The following PSG4 variants were observed in gnomAD, a reference collection of about 807,000 sequenced individuals.
PSG4 encodes pregnancy-specific beta-1-glycoprotein 4.
In PSG4, 61 loss-of-function variants were observed where a neutral mutation model predicts 44.3. The observed-to-expected ratio is 1.38, with a 90% CI of 1.12 to 1.70. The LOEUF is 1.70. PSG4 is among the 40% of genes most tolerant of loss of function. PSG4 has a pLI of 0.00. For missense variants in PSG4, 677 were observed against 511.7 expected (o/e 1.32, Z -3.12); for synonymous variants, 248 against 191.3 (o/e 1.30, Z -2.45).
At chr19:43,194,757 T>C in intron 4 of PSG4, 163 bp from the exon 5 acceptor site, 1 of 1,423,768 alleles carries the variant, frequency 7.0e-7, no homozygotes. Context: ...ATTCACCTGT[T>C]TCTCCCATCA....
intron 5 of PSG4, 115 bp downstream of exon 5, chr19:43,194,225 T>G (rs1299965137): frequency 6.3e-7 from 1 of 1,587,992 alleles, no homozygotes; most frequent in Non-Finnish European, 8.6e-7. Context: ...AATTTGGGAT[T>G]TGCTTGTGCC....
rs1470563981 is a variant in PSG4 at position 43,205,506 on chromosome 19, G to A, written c.31C>T (p.Gln11Ter). The change falls in exon 1 of 6, where the codon CAG becomes TAG. Residue 11 changes from glutamine (Q) to a stop codon, truncating the protein, a stop_gained. Coordinates refer to ENST00000405312, the MANE Select transcript of PSG4 (RefSeq NM_002780.5). LOFTEE classifies it high-confidence loss of function. MGPLSAPPCTQRITWKGVLLT... is the reference protein window; with the variant it reads MGPLSAPPCT Reference sequence around the variant, plus strand: ...AGGACCCCCTTCCAGGTGATGCGCTGTGTGCAGGGAGGGGCTGAGAGGGGC... The same window carrying A: ...AGGACCCCCTTCCAGGTGATGCGCTATGTGCAGGGAGGGGCTGAGAGGGGC... 4 of 1,555,142 alleles carry A rather than the reference G, an allele frequency of 2.6e-6. No homozygotes were observed. Among genetic ancestry groups the A allele is most frequent in the East Asian group, 2.9e-5 (1 of 34,208 alleles).
rs139631615 is a variant in PSG4, at chr19:43,194,857, G to A, written c.988+138C>T. ...CTGTGCCTACCTAGGTTTTCCCAGG[G>A]CAGGGAGTCATGGCCACCTCGGATG... On this transcript the variant is annotated intron_variant, in intron 4 of 5. Coordinates refer to ENST00000405312, the MANE Select transcript of PSG4 (RefSeq NM_002780.5). 14 of 1,515,496 alleles carry A rather than the reference G, an allele frequency of 9.2e-6. No individual in the cohort carries two copies. In the South Asian group the frequency reaches 1.5e-4, roughly 16 times the overall value. 93.9% of individuals were successfully genotyped at this position (1,515,496 alleles called of 1,614,324 possible). A position where few individuals can be genotyped will look rare whatever the true frequency, so the allele number is the denominator to read the frequency against.
intron 4 of PSG4, 156 bp downstream of exon 4, chr19:43,194,839 T>C: frequency 6.7e-7 from 1 of 1,485,724 alleles, no homozygotes; most frequent in Non-Finnish European, 9.0e-7. Context: ...AGGCTGTGCC[T>C]ACCTAGGTTT....
At chr19:43,196,835 G>A (rs1388266780) in intron 3 of PSG4, 1 of 149,222 alleles carries the variant, frequency 6.7e-6, no homozygotes, top group East Asian at 2.0e-4. Context: ...AGCCTGTCAG[G>A]TCAGATTTAG....
chr19:43,194,259 A>C, intron 5 of PSG4, 81 bp downstream of exon 5: 1 of 1,607,126 alleles, frequency 6.2e-7, no homozygotes, highest in Non-Finnish European at 8.5e-7. Context: ...CTGGGAATAA[A>C]AATGTTTTCC....
Position 43,193,574 on chromosome 19 carries a change from C to G in PSG4, c.1244-186G>C, listed in dbSNP as rs145080540. On this transcript the variant is annotated intron_variant, in intron 5 of 5. Coordinates refer to ENST00000405312, the MANE Select transcript of PSG4 (RefSeq NM_002780.5). The stretch of plus-strand genomic sequence containing the variant: ...GAGTTTCTTCAAACGTGGTCTGATT[C>G]TTTACATAAGTGCAGCAAGAGTAGC... The G allele has an allele frequency of 3.0e-3, 1,884 of 619,962 alleles. 49 individuals are homozygous for G. The highest frequency in any genetic ancestry group is 0.017 in the African/African-American group (902 of 54,236). 38.4% of individuals were successfully genotyped at this position (619,962 alleles called of 1,614,324 possible).
chr19:43,201,906 A>G (rs1967529825), intron 2 of PSG4, among the ~76,000 whole-genome samples: 1 of 144,252 alleles, frequency 6.9e-6, no homozygotes, highest in African/African-American at 2.7e-5. Context: ...TCCCTGTCCC[A>G]TTGTCTTGTC....
intron 5 of PSG4, 139 bp from the exon 6 acceptor site, chr19:43,193,527 A>G: frequency 1.5e-6 from 1 of 673,602 alleles, no homozygotes; most frequent in East Asian, 2.6e-5. Flanking sequence ...TCAGTAGAAT[A>G]AGTTTGTTTG....
Position 43,203,957 on chromosome 19 carries a change from T to G in PSG4, c.359A>C (p.Tyr120Ser), listed in dbSNP as rs1476870396. ...GCGTCGCTTTATGATGTGTAAGGTG[T>G]AGGATCCTGCATCCTCCTGCGTGAC... Reference protein sequence around the residue: ...QNVTQEDAGSYTLHIIKRRDG... With the variant: ...QNVTQEDAGSSTLHIIKRRDG... Residue 120 changes from tyrosine (Y) to serine (S), a missense_variant, in exon 2 of 6, where the codon TAC becomes TCC. Transcript: ENST00000405312. The G allele has an allele frequency of 6.3e-7, 1 of 1,587,342 alleles. No individual in the cohort carries two copies. The highest frequency in any genetic ancestry group is 8.5e-7 in the Non-Finnish European group (1 of 1,171,468).
chr19:43,195,145 G>T lies in PSG4; in HGVS notation c.838C>A (p.Leu280Ile). ...CGCTTTACCCTGGGACTGACAGGGA[G>T]GCTCTGACCATTTAGCCACCAAATG... is the stretch of plus-strand genomic sequence containing the variant. ...TYIWWLNGQS[L>I]PVSPRVKRPI... The change falls in exon 4 of 6, where the codon CTC (leucine) becomes ATC (isoleucine). Residue 280 changes from leucine to isoleucine, a missense_variant. Transcript: ENST00000405312. 1.2e-6 allele frequency: 2 copies of T among 1,610,468 alleles called. No homozygotes were observed. The highest frequency in any genetic ancestry group is 2.2e-5 in the East Asian group (1 of 44,876).
chr19:43,196,504 G>A (rs376413246), intron 3 of PSG4: 9 of 151,464 alleles, frequency 5.9e-5, no homozygotes, highest in South Asian at 2.1e-4. Context: ...TTTGTCATAT[G>A]CTTACTGGTT....
In PSG4 at chr19:43,201,467, C is replaced by T. The variant is rs1345434409; in HGVS notation, c.430+2419G>A. Among the ~76,000 whole-genome samples the T allele has an allele frequency of 6.9e-5, 10 of 144,994 alleles. 2 individuals carry two copies. The highest frequency in any genetic ancestry group is 2.2e-4 in the South Asian group (1 of 4,602). ...TATAGATAACATCACTATTGTAGAA[C>T]GCGAGACTGGTCTTTTGAGATGTTT... On this transcript the variant is annotated intron_variant, in intron 2 of 5. Coordinates refer to ENST00000405312, the MANE Select transcript of PSG4 (RefSeq NM_002780.5).
chr19:43,204,844 T>C, intron 1 of PSG4: 1 of 427,668 alleles, frequency 2.3e-6, no homozygotes, highest in South Asian at 1.7e-5. Context: ...CCCCCAATTG[T>C]TGAGGTTTCT....
rs1270555641 is a variant in PSG4 at position 43,197,273 on chromosome 19, G to A, written c.709+724C>T. Among the ~76,000 whole-genome samples, 4 of 145,250 alleles carry A rather than the reference G, an allele frequency of 2.8e-5. 1 individual carries two copies. Among genetic ancestry groups the A allele is most frequent in the African/African-American group, 1.1e-4 (4 of 37,778 alleles). ...CCCTCTCCCTTTGCAGAGGGCAGGT[G>A]GCTTTTCCCTGATAGCTAGATAGAC... On this transcript the variant is annotated intron_variant, in intron 3 of 5. Transcript: ENST00000405312.
chr19:43,197,168 C>T (rs559780686), intron 3 of PSG4, among the ~76,000 whole-genome samples: 4 of 145,278 alleles, frequency 2.8e-5, no homozygotes, highest in South Asian at 4.3e-4. Flanking sequence ...TAAAGAATGA[C>T]CTAGAAAGAG....
In PSG4 at chr19:43,200,892, T is replaced by C. The variant is rs1030589987; in HGVS notation, c.431-2617A>G. On this transcript the variant is annotated intron_variant, in intron 2 of 5. Coordinates refer to ENST00000405312, the MANE Select transcript of PSG4 (RefSeq NM_002780.5). ...GCCTTCTCTGAGGGATTTTAATGAG[T>C]TGTTGACTTTTTACTTAGTGTTAGA... Among the ~76,000 whole-genome samples, 34 of 145,914 alleles carry C rather than the reference T, an allele frequency of 2.3e-4. 6 individuals are homozygous for C. The highest frequency in any genetic ancestry group is 8.9e-4 in the African/African-American group (34 of 38,238).
chr19:43,195,672 G>A (rs1223364717), intron 3 of PSG4, among the ~76,000 whole-genome samples: 1 of 151,362 alleles, frequency 6.6e-6, no homozygotes, highest in Non-Finnish European at 1.5e-5. Context: ...CCCTAGATGA[G>A]ATTTCTCTGC....
intron 2 of PSG4, among the ~76,000 whole-genome samples, chr19:43,200,119 G>C (rs1307980624): frequency 5.5e-5 from 8 of 145,774 alleles, no homozygotes; most frequent in Admixed American, 5.5e-4. Context: ...TTCATTTTCT[G>C]TTAAGCTCAG....
Sources: allele counts gnomAD v4.1 joint callset (sites outside exome capture counted in the v4.1 genomes callset), GRCh38; gene constraint gnomAD v4.1.1; transcripts MANE v1.5; gene names NCBI Gene and HGNC (gene_info 2026-07-23, HGNC 2026-07-21).